Variants in USP48 observed in about 807,000 individuals in gnomAD.
USP48 encodes the protein ubiquitin specific peptidase 48, also known as ubiquitin carboxyl-terminal hydrolase 48.
A neutral mutation model predicts 150.7 loss-of-function variants in USP48; 43 were observed. The ratio of observed to expected loss-of-function variants is 0.29; its 90% CI spans 0.22 to 0.37. The LOEUF is 0.37. USP48 is among the 10% of genes least tolerant of loss of function. USP48 has a pLI of 1.00. For synonymous variants in USP48, 396 were observed against 425.9 expected (o/e 0.93, Z 0.86); for missense variants, 813 against 1,249.6 (o/e 0.65, Z 5.27).
Position 21,705,748 on chromosome 1 carries a change from A to G in USP48, c.2363T>C (p.Met788Thr). Residue 788 changes from methionine to threonine, a missense_variant, in exon 19 of 27, where the codon ATG becomes ACG. Physicochemically the swap from Met to Thr is moderately conservative, Grantham distance 81. Coordinates refer to ENST00000308271, the MANE Select transcript of USP48 (RefSeq NM_032236.8). ...HGGLMFTFAS[M>T]TKEDSKLIAL... ...TCACAGTTTAGAATCTTCTTTGGTC[A>G]TGGAAGCAAATGTAAACATGAGGCC... is the stretch of plus-strand genomic sequence containing the variant. 2 of 1,608,904 alleles carry G rather than the reference A, an allele frequency of 1.2e-6. No individual in the cohort carries two copies. The highest frequency in any genetic ancestry group is 1.7e-6 in the Non-Finnish European group (2 of 1,178,540).
chr1:21,680,743 G>A (rs564182671), intron 26 of USP48, 65 bp downstream of exon 26: 43 of 1,439,492 alleles, frequency 3.0e-5, no homozygotes, highest in Admixed American at 2.3e-4. Context: ...TATAGCCTTC[G>A]CTTTAACAGA....
chr1:21,725,253 G>C (rs2097733269), intron 11 of USP48: 1 of 152,150 alleles, frequency 6.6e-6, no homozygotes, highest in Admixed American at 6.5e-5. Flanking sequence ...CTGCTACCAA[G>C]AAAATGAACC....
At chr1:21,744,777 TA>T (rs10699993) in intron 8 of USP48, among the ~76,000 whole-genome samples, 34 of 59,586 alleles carry the variant, frequency 5.7e-4, no homozygotes, top group African/African-American at 9.1e-4. Flanking sequence ...ACTCTATCTC[TA>T]AAAAAAAAAA....
chr1:21,734,683 G>C (rs1328704166), intron 9 of USP48, among the ~76,000 whole-genome samples: 1 of 152,190 alleles, frequency 6.6e-6, no homozygotes, highest in Non-Finnish European at 1.5e-5. Flanking sequence ...GCACTTTCTT[G>C]TGAAATGATA....
At chr1:21,746,164 A>AT (rs1187374292) in intron 8 of USP48, among the ~76,000 whole-genome samples, 1 of 152,012 alleles carries the variant, frequency 6.6e-6, no homozygotes, top group African/African-American at 2.4e-5. Flanking sequence ...GAAATTTTTT[A>AT]TTTTTTTGGA....
chr1:21,682,602 C>T (rs1327607252), intron 25 of USP48, among the ~76,000 whole-genome samples: 1 of 152,110 alleles, frequency 6.6e-6, no homozygotes, highest in Non-Finnish European at 1.5e-5. Flanking sequence ...GTGGGCCAGG[C>T]GTAGTGGCTC....
At chr1:21,762,607 C>CGGTGG (rs1463261046) in intron 1 of USP48, among the ~76,000 whole-genome samples, 2 of 152,172 alleles carry the variant, frequency 1.3e-5, no homozygotes, top group Non-Finnish European at 2.9e-5. Flanking sequence ...GTGGCTCACG[C>CGGTGG]CTGTAATCCC....
At chr1:21,770,465 TTA>T (rs2097876368) in intron 1 of USP48, among the ~76,000 whole-genome samples, 1 of 151,010 alleles carries the variant, frequency 6.6e-6, no homozygotes, top group Non-Finnish European at 1.5e-5. Context: ...TTTGTGATAA[TTA>T]GTCAATCAAG....
At chr1:21,696,374 GC>G (rs1331705662) in intron 22 of USP48, among the ~76,000 whole-genome samples, 1 of 152,234 alleles carries the variant, frequency 6.6e-6, no homozygotes, top group Admixed American at 6.5e-5. Context: ...GGAGGCGGAG[GC>G]TGCGGTGAGC....
At chr1:21,707,945 A>T (rs2097677639) in intron 15 of USP48, among the ~76,000 whole-genome samples, 1 of 152,112 alleles carries the variant, frequency 6.6e-6, no homozygotes, top group Non-Finnish European at 1.5e-5. Context: ...CAGGTGGATC[A>T]CTTGTCAGGA....
At chr1:21,688,626 G>A (rs1280736719) in intron 24 of USP48, among the ~76,000 whole-genome samples, 3 of 151,474 alleles carry the variant, frequency 2.0e-5, no homozygotes, top group African/African-American at 4.8e-5. Flanking sequence ...CAGATCACCT[G>A]AGGTCAGGAG....
chr1:21,711,781 T>C (rs747449658), intron 15 of USP48, among the ~76,000 whole-genome samples: 32 of 152,188 alleles, frequency 2.1e-4, no homozygotes, highest in Middle Eastern at 3.4e-3. Flanking sequence ...CCGTACAACA[T>C]TGGGGACAAA....
At chr1:21,717,023 A>T (rs1486177124) in intron 14 of USP48, among the ~76,000 whole-genome samples, 2 of 152,172 alleles carry the variant, frequency 1.3e-5, no homozygotes, top group Admixed American at 6.5e-5. Flanking sequence ...CTCAAAAAAA[A>T]AATAATTATC....
intron 22 of USP48, among the ~76,000 whole-genome samples, chr1:21,697,463 A>G (rs1302281838): frequency 4.6e-5 from 7 of 152,142 alleles, no homozygotes; most frequent in Admixed American, 1.3e-4. Context: ...GGAGATTGAG[A>G]CCATCCTGGC....
rs548503031 is a variant in USP48 at position 21,698,539 on chromosome 1, T to C, written c.2727+2959A>G. On this transcript the variant is annotated intron_variant, in intron 22 of 26. Transcript: ENST00000308271. Reference sequence around the variant, plus strand: ...CTAAAATCTAAATCACTTGAAAATGTAGATAGTTTCTAAATAACTCTTAGG... The same window carrying C: ...CTAAAATCTAAATCACTTGAAAATGCAGATAGTTTCTAAATAACTCTTAGG... 2.6e-5 allele frequency among the ~76,000 whole-genome samples: 4 copies of C among 152,306 alleles called. No homozygotes were observed. In the South Asian group the frequency reaches 8.3e-4, roughly 32 times the overall value.
chr1:21,697,642 A>AAC (rs1557437592), intron 22 of USP48, among the ~76,000 whole-genome samples: 1 of 150,836 alleles, frequency 6.6e-6, no homozygotes, highest in East Asian at 1.9e-4. Flanking sequence ...CAGCCTGGGC[A>AAC]ACAGGGCAAG....
chr1:21,691,511 T>C (rs1243592437), intron 23 of USP48, among the ~76,000 whole-genome samples: 3 of 152,058 alleles, frequency 2.0e-5, no homozygotes, highest in Non-Finnish European at 4.4e-5. Flanking sequence ...GCCATGCACC[T>C]GTGATCTTAG....
At chr1:21,777,608 AG>A (rs138838393) in intron 1 of USP48, among the ~76,000 whole-genome samples, 3,230 of 152,236 alleles carry the variant, frequency 0.021, 63 homozygotes, top group Non-Finnish European at 0.031. Context: ...TTAAGGCTAC[AG>A]TGAGCTACAA....
chr1:21,704,967 AGAG>A (rs1017036106), intron 19 of USP48, among the ~76,000 whole-genome samples: 32 of 152,250 alleles, frequency 2.1e-4, no homozygotes, highest in African/African-American at 6.7e-4. Context: ...GAGGGAGGAA[AGAG>A]AAGAGAGATG....
Sources: allele counts gnomAD v4.1 joint callset (sites outside exome capture counted in the v4.1 genomes callset), GRCh38; gene constraint gnomAD v4.1.1; transcripts MANE v1.5; gene names NCBI Gene and HGNC (gene_info 2026-07-23, HGNC 2026-07-21).